The following BEST3 variants were observed in gnomAD, a reference collection of about 807,000 sequenced individuals.
The protein encoded by BEST3 is bestrophin-3.
In BEST3, 50 loss-of-function variants were observed where a neutral mutation model predicts 47.1. The ratio of observed to expected loss-of-function variants is 1.06; its 90% CI spans 0.85 to 1.34. The LOEUF is 1.34. Among genes scored for constraint, BEST3 ranks in the 40% most tolerant of loss-of-function variants. The probability of loss-of-function intolerance (pLI) is 0.00; values close to 1 mark genes in which losing one functional copy is unlikely to be tolerated. For synonymous variants in BEST3, 282 were observed against 298.8 expected (o/e 0.94, Z 0.58); for missense variants, 765 against 817.0 (o/e 0.94, Z 0.78).
At chr12:69,676,790 G>T in intron 7 of BEST3, 126 bp downstream of exon 7, 1 of 1,030,886 alleles carries the variant, frequency 9.7e-7, no homozygotes, top group Non-Finnish European at 1.4e-6. Context: ...ACATTGCTGA[G>T]CCATTACATG....
intron 2 of BEST3, 59 bp downstream of exon 2, chr12:69,697,588 G>C (rs945851666): frequency 9.6e-6 from 13 of 1,359,056 alleles, no homozygotes; most frequent in Non-Finnish European, 9.8e-7. Flanking sequence ...TCAGATTTTT[G>C]AGACTGTATC....
At chr12:69,696,293 T>C (rs912668173) in intron 2 of BEST3, among the ~76,000 whole-genome samples, 6 of 152,192 alleles carry the variant, frequency 3.9e-5, no homozygotes, top group Non-Finnish European at 8.8e-5. Flanking sequence ...TTGTGGGGTA[T>C]AAGTATGATA....
At chr12:69,648,047 A>C (rs556131956) in intron 9 of BEST3, among the ~76,000 whole-genome samples, 1 of 152,392 alleles carries the variant, frequency 6.6e-6, no homozygotes, top group African/African-American at 2.4e-5. Flanking sequence ...TTAAACAACA[A>C]TTAGGCATCC....
rs1883419322 is a variant in BEST3, at chr12:69,655,518, T to C, written c.1396A>G (p.Met466Val). Residue 466 changes from methionine (M) to valine (V), a missense_variant, in exon 10 of 10, where the codon ATG becomes GTG. Physicochemically the swap from Met to Val is conservative, Grantham distance 21 (BLOSUM62 1). Transcript: ENST00000330891. ...TCCCTGATGGTGGACAGCTCTCCCA[T>C]GCTGAAGTGCAGCGTGGGGCTTCCT... Reference protein sequence around the residue: ...PEGSPTLHFSMGELSTIRETS... With the variant: ...PEGSPTLHFSVGELSTIRETS... 6.2e-7 allele frequency: 1 copy of C among 1,614,144 alleles called. No individual in the cohort carries two copies. The highest frequency in any genetic ancestry group is 2.2e-5 in the East Asian group (1 of 44,872).
chr12:69,668,323 A>G (rs536370361), intron 9 of BEST3, among the ~76,000 whole-genome samples: 2 of 152,332 alleles, frequency 1.3e-5, no homozygotes, highest in South Asian at 4.1e-4. Context: ...ATTTAAAAAA[A>G]TCTCATCCAG....
intron 2 of BEST3, 95 bp from the exon 3 acceptor site, chr12:69,694,559 ATCTT>A: frequency 1.8e-6 from 1 of 545,372 alleles, no homozygotes; most frequent in Non-Finnish European, 3.0e-6. Flanking sequence ...AGCACAAATA[ATCTT>A]TTATTTTTGA....
intron 9 of BEST3, among the ~76,000 whole-genome samples, chr12:69,662,402 AG>A (rs1419603585): frequency 2.6e-5 from 4 of 152,226 alleles, no homozygotes; most frequent in African/African-American, 9.6e-5. Context: ...TCAACATAGA[AG>A]TATATTTAAC....
Position 69,693,745 on chromosome 12 carries a change from A to G in BEST3, c.410T>C (p.Leu137Pro), listed in dbSNP as rs1592378151. ...TLMRYVNLTS[L>P]LIFRSVSTAV... ...AGTGCTCACCGAGCGAAAGATGAGCAGGGAGGTGAGATTGACGTAGCGCAT... is the reference window on the plus strand; with the variant it reads ...AGTGCTCACCGAGCGAAAGATGAGCGGGGAGGTGAGATTGACGTAGCGCAT... The change falls in exon 4 of 10, where the codon CTG (leucine) becomes CCG (proline). Residue 137 changes from leucine to proline, a missense_variant. Transcript: ENST00000330891. The G allele has an allele frequency of 6.2e-7, 1 of 1,614,200 alleles. No homozygotes were observed. The highest frequency in any genetic ancestry group is 8.5e-7 in the Non-Finnish European group (1 of 1,180,028).
chr12:69,689,437 T>C (rs1334892070), intron 4 of BEST3, among the ~76,000 whole-genome samples: 1 of 152,184 alleles, frequency 6.6e-6, no homozygotes, highest in Non-Finnish European at 1.5e-5. Context: ...TGCTTGCGTA[T>C]AGTATGGTCT....
intron 4 of BEST3, among the ~76,000 whole-genome samples, chr12:69,682,164 G>A (rs1377972001): frequency 1.3e-5 from 2 of 151,972 alleles, no homozygotes; most frequent in African/African-American, 2.4e-5. Flanking sequence ...CTAGGATGAG[G>A]CCAGGCATCA....
At chr12:69,694,315 G>T in intron 3 of BEST3, 55 bp downstream of exon 3, 1 of 1,142,810 alleles carries the variant, frequency 8.8e-7, no homozygotes, top group Non-Finnish European at 1.3e-6. Context: ...AGTCATCGGT[G>T]TCATCCTAAC....
Position 69,693,915 on chromosome 12 carries a change from A to G in BEST3, c.248-8T>C. ...CCAGAGTAACATAAAACCCTGTAGA[A>G]TAACAGGAAATTATAAAGCAGTTTC... On this transcript the variant is annotated splice_polypyrimidine_tract_variant and splice_region_variant and intron_variant, in intron 3 of 9. Transcript: ENST00000330891. 11 of 1,573,916 alleles carry G rather than the reference A, an allele frequency of 7.0e-6. No individual in the cohort carries two copies. The highest frequency in any genetic ancestry group is 8.7e-6 in the Non-Finnish European group (10 of 1,152,014).
chr12:69,681,744 A>G (rs1401066832), intron 4 of BEST3, among the ~76,000 whole-genome samples: 1 of 152,114 alleles, frequency 6.6e-6, no homozygotes, highest in Non-Finnish European at 1.5e-5. Flanking sequence ...GGAGTTCTCA[A>G]CCCAAGTCTG....
chr12:69,650,456 T>C (rs188530008), downstream of BEST3, among the ~76,000 whole-genome samples: 1 of 152,214 alleles, frequency 6.6e-6, no homozygotes, highest in Non-Finnish European at 1.5e-5. Context: ...GAGGAAATCC[T>C]TGGTTGTTAC....
intron 9 of BEST3, among the ~76,000 whole-genome samples, chr12:69,666,927 C>T (rs1210953209): frequency 6.6e-6 from 1 of 152,176 alleles, no homozygotes; most frequent in African/African-American, 2.4e-5. Flanking sequence ...TGTGATACAC[C>T]TACTTCAGGC....
At chr12:69,670,235 AACTGAGAAT>A (rs1324024589) in intron 9 of BEST3, 40 of 515,666 alleles carry the variant, frequency 7.8e-5, no homozygotes, top group Non-Finnish European at 1.3e-4. Flanking sequence ...TATCCATGGA[AACTGAGAAT>A]ACACTGAGGG....
At chr12:69,658,991 G>A (rs1043432276) in intron 9 of BEST3, among the ~76,000 whole-genome samples, 2 of 152,180 alleles carry the variant, frequency 1.3e-5, no homozygotes, top group Admixed American at 1.3e-4. Context: ...GTCCATGGTG[G>A]AAGGGTACAC....
chr12:69,674,270 A>G (rs1283289555), intron 7 of BEST3, among the ~76,000 whole-genome samples: 1 of 152,202 alleles, frequency 6.6e-6, no homozygotes, highest in East Asian at 1.9e-4. Context: ...ACGTATTAAT[A>G]CTTAGAGCAG....
chr12:69,698,780 T>C (rs916619663), intron 1 of BEST3, among the ~76,000 whole-genome samples: 4 of 152,224 alleles, frequency 2.6e-5, no homozygotes, highest in African/African-American at 4.8e-5. Context: ...ACAATTCAAC[T>C]CTGATTTGCC....
Sources: gnomAD v4.1 joint callset for allele counts (sites outside exome capture counted in the v4.1 genomes callset) on GRCh38, gnomAD v4.1.1 for gene constraint, MANE v1.5 for transcripts, NCBI Gene and HGNC (gene_info 2026-07-23, HGNC 2026-07-21) for gene names.